The following PLEKHM3 variants were observed in gnomAD, a reference collection of about 807,000 sequenced individuals.
The protein encoded by PLEKHM3 is pleckstrin homology domain-containing family M member 3.
In PLEKHM3, 45 loss-of-function variants were observed where a neutral mutation model predicts 81.8. That is an observed-to-expected ratio of 0.55 (90% confidence interval 0.43 to 0.71). PLEKHM3 has a LOEUF of 0.71. PLEKHM3 is among the 30% of genes least tolerant of loss of function. The probability of loss-of-function intolerance (pLI) is 0.00; values close to 1 mark genes in which losing one functional copy is unlikely to be tolerated. For synonymous variants in PLEKHM3, 352 were observed against 356.4 expected (o/e 0.99, Z 0.14); for missense variants, 788 against 924.3 (o/e 0.85, Z 1.91).
chr2:207,912,387 T>C (rs185906163), intron 5 of PLEKHM3, among the ~76,000 whole-genome samples: 1 of 152,362 alleles, frequency 6.6e-6, no homozygotes, highest in African/African-American at 2.4e-5. Context: ...CTCTACTGTC[T>C]TCTCCATCAC....
At chr2:207,979,221 T>A (rs1691435894) in intron 2 of PLEKHM3, among the ~76,000 whole-genome samples, 1 of 152,180 alleles carries the variant, frequency 6.6e-6, no homozygotes, top group Non-Finnish European at 1.5e-5. Context: ...AGAGATTTCC[T>A]GACATTCTTA....
chr2:207,841,480 AATATATAT>A (rs769138417), intron 7 of PLEKHM3, among the ~76,000 whole-genome samples: 36 of 37,450 alleles, frequency 9.6e-4, no homozygotes, highest in African/African-American at 4.1e-3. Flanking sequence ...AAAAAAAAAA[AATATATAT>A]ATATATATAT....
chr2:207,873,235 G>C (rs1445101710), intron 6 of PLEKHM3, among the ~76,000 whole-genome samples: 1 of 152,102 alleles, frequency 6.6e-6, no homozygotes, highest in Admixed American at 6.5e-5. Context: ...AGGGAAGAAA[G>C]TTTCATTGCT....
chr2:207,844,469 A>ATTT (rs74889084), intron 7 of PLEKHM3, among the ~76,000 whole-genome samples: 1 of 138,346 alleles, frequency 7.2e-6, no homozygotes, highest in Non-Finnish European at 1.6e-5. Flanking sequence ...CGCCCGGAGA[A>ATTT]TTTTTTTTTT....
At chr2:207,840,860 G>C (rs867395496) in intron 7 of PLEKHM3, among the ~76,000 whole-genome samples, 7 of 145,200 alleles carry the variant, frequency 4.8e-5, no homozygotes, top group Non-Finnish European at 8.9e-5. Flanking sequence ...GAGTGCAGTA[G>C]TGTGATCTCG....
At chr2:207,936,545 T>C (rs73983653) in intron 4 of PLEKHM3, among the ~76,000 whole-genome samples, 7,228 of 152,172 alleles carry the variant, frequency 0.047, 569 homozygotes, top group African/African-American at 0.17. Flanking sequence ...AGAGGCAGCA[T>C]GGATACAACA....
At chr2:207,924,066 C>T (rs1317107387) in intron 5 of PLEKHM3, among the ~76,000 whole-genome samples, 1 of 150,668 alleles carries the variant, frequency 6.6e-6, no homozygotes, top group East Asian at 2.0e-4. Context: ...CCACCATGCC[C>T]TGCTAATTTT....
At chr2:208,020,412 C>T (rs1440292395) in intron 1 of PLEKHM3, among the ~76,000 whole-genome samples, 3 of 152,220 alleles carry the variant, frequency 2.0e-5, no homozygotes, top group Non-Finnish European at 2.9e-5. Context: ...TTGGTTTTTG[C>T]TCATAACTCA....
intron 6 of PLEKHM3, among the ~76,000 whole-genome samples, chr2:207,865,801 A>ATATATATATATATATATAT (rs1192139812): frequency 4.0e-5 from 1 of 25,300 alleles, no homozygotes; most frequent in Admixed American, 3.3e-4. Context: ...AAAAAAAAAA[A>ATATATATATATATATATAT]AGATATATAT....
intron 1 of PLEKHM3, among the ~76,000 whole-genome samples, chr2:208,004,364 G>A (rs1275658447): frequency 3.3e-5 from 5 of 151,518 alleles, no homozygotes; most frequent in Admixed American, 6.6e-5. Flanking sequence ...GTTGCAGTGA[G>A]CTGAGATCAC....
At chr2:207,991,974 G>A (rs757717734) in intron 2 of PLEKHM3, among the ~76,000 whole-genome samples, 2 of 152,188 alleles carry the variant, frequency 1.3e-5, no homozygotes, top group Non-Finnish European at 1.5e-5. Context: ...TTTTGGTTGA[G>A]TATTTTGTTA....
At chr2:207,834,232 T>G (rs893027079) in intron 7 of PLEKHM3, among the ~76,000 whole-genome samples, 4 of 151,262 alleles carry the variant, frequency 2.6e-5, no homozygotes, top group Non-Finnish European at 4.4e-5. Flanking sequence ...CAGGTTCAAG[T>G]GATTCTCCTG....
chr2:207,940,087 T>C (rs760666410), intron 4 of PLEKHM3, among the ~76,000 whole-genome samples: 1 of 152,198 alleles, frequency 6.6e-6, no homozygotes, highest in Admixed American at 6.5e-5. Context: ...ACAGGCTTCA[T>C]TCTTTCATTC....
Position 207,878,002 on chromosome 2 carries a change from C to G in PLEKHM3, c.1951-16740G>C, listed in dbSNP as rs143326557. ...CCAGGCTGGAGTGCAGTGGCGTAAT[C>G]TTGTCTTACCGCAACCATCTCTGCC... On this transcript the variant is annotated intron_variant, in intron 6 of 7. Coordinates refer to ENST00000427836, the MANE Select transcript of PLEKHM3 (RefSeq NM_001080475.3). Among the ~76,000 whole-genome samples, 3 of 152,282 alleles carry G rather than the reference C, an allele frequency of 2.0e-5. No individual in the cohort carries two copies. In the East Asian group the frequency reaches 5.8e-4, roughly 29 times the overall value.
At chr2:207,914,508 A>C (rs557495693) in intron 5 of PLEKHM3, among the ~76,000 whole-genome samples, 5 of 151,432 alleles carry the variant, frequency 3.3e-5, no homozygotes, top group African/African-American at 9.7e-5. Context: ...CAAAAAAAAA[A>C]ACAAAAAACA....
Position 207,908,573 on chromosome 2 carries a change from A to T in PLEKHM3, c.1891T>A (p.Phe631Ile), listed in dbSNP as rs1574395192. ...TGTTGAAGGAGGTATTCTCTGGGGA[A>T]AATTCTGAAAACAAGGGCAGATAGA... Reference protein sequence around the residue: ...AVAEDLRRRIFPREYLLQQIH... With the variant: ...AVAEDLRRRIIPREYLLQQIH... The change falls in exon 6 of 8, where the codon TTC becomes ATC. Residue 631 changes from phenylalanine to isoleucine, a missense_variant. By Grantham distance (21) the Phe-to-Ile change is conservative. Transcript: ENST00000427836. 6.2e-7 allele frequency: 1 copy of T among 1,611,066 alleles called. No individual in the cohort carries two copies. Among genetic ancestry groups the T allele is most frequent in the Middle Eastern group, 1.7e-4 (1 of 6,060 alleles).
intron 2 of PLEKHM3, among the ~76,000 whole-genome samples, chr2:207,982,625 C>T (rs1691573594): frequency 6.8e-6 from 1 of 146,232 alleles, no homozygotes; most frequent in Admixed American, 7.0e-5. Context: ...GTCCCACAGG[C>T]TGAAGTGTAA....
chr2:207,834,963 G>C (rs1325833797), intron 7 of PLEKHM3, among the ~76,000 whole-genome samples: 1 of 147,818 alleles, frequency 6.8e-6, no homozygotes, highest in Non-Finnish European at 1.5e-5. Flanking sequence ...TTTTTGAGAC[G>C]GAGTTTCACT....
chr2:207,961,514 G>C (rs1307181341), intron 3 of PLEKHM3, among the ~76,000 whole-genome samples: 1 of 152,130 alleles, frequency 6.6e-6, no homozygotes, highest in East Asian at 1.9e-4. Flanking sequence ...GTGGTATATG[G>C]TAAGTACGAC....
Sources: allele counts gnomAD v4.1 joint callset (sites outside exome capture counted in the v4.1 genomes callset), GRCh38; gene constraint gnomAD v4.1.1; transcripts MANE v1.5; gene names NCBI Gene and HGNC (gene_info 2026-07-23, HGNC 2026-07-21).